The following MTRF1 variants were observed in gnomAD, a reference collection of about 807,000 sequenced individuals.
The protein encoded by MTRF1 is peptide chain release factor 1, mitochondrial.
A neutral mutation model predicts 62.9 loss-of-function variants in MTRF1; 51 were observed. That is an observed-to-expected ratio of 0.81 (90% CI 0.65 to 1.02). The LOEUF (loss-of-function observed/expected upper bound fraction) is 1.02. Ranked by LOEUF, MTRF1 falls within the 50% of genes least tolerant of loss-of-function variation. The pLI is 0.00. For missense variants in MTRF1, 446 were observed against 530.0 expected (o/e 0.84, Z 1.56); for synonymous variants, 158 against 181.9 (o/e 0.87, Z 1.06).
chr13:41,241,855 G>C (rs578116758), intron 5 of MTRF1, among the ~76,000 whole-genome samples: 5 of 152,180 alleles, frequency 3.3e-5, no homozygotes, highest in Non-Finnish European at 5.9e-5. Context: ...ACACCAGCTC[G>C]AGCCCTTTGG....
the MTRF1 span, among the ~76,000 whole-genome samples, chr13:41,284,156 AC>A: frequency 6.6e-6 from 1 of 151,070 alleles, no homozygotes; most frequent in Admixed American, 6.6e-5. Context: ...AGCCTGGGCA[AC>A]ATGGGGAGAC....
chr13:41,228,285 G>A (rs1034540908), intron 7 of MTRF1, among the ~76,000 whole-genome samples: 2 of 152,112 alleles, frequency 1.3e-5, no homozygotes, highest in Non-Finnish European at 2.9e-5. Context: ...AATAGAAGGG[G>A]GCTGGGCACG....
chr13:41,238,418 G>A (rs1274957322), intron 6 of MTRF1, among the ~76,000 whole-genome samples: 2 of 152,174 alleles, frequency 1.3e-5, no homozygotes, highest in African/African-American at 2.4e-5. Context: ...AGGTTAATAC[G>A]TGAAACTTGA....
intron 7 of MTRF1, among the ~76,000 whole-genome samples, chr13:41,227,736 C>G (rs923963154): frequency 2.0e-5 from 3 of 152,238 alleles, no homozygotes; most frequent in Non-Finnish European, 2.9e-5. Flanking sequence ...AAATATTTTG[C>G]TGGAGATGTA....
chr13:41,260,791 C>T lies in MTRF1; in HGVS notation c.117G>A (p.Leu39=). 1 of 1,614,166 alleles carries T rather than the reference C, an allele frequency of 6.2e-7. No homozygotes were observed. The highest frequency in any genetic ancestry group is 8.5e-7 in the Non-Finnish European group (1 of 1,180,012). ...AATTCCTGTTTTGTCTAAAAACTTG[C>T]AGCCTTGTATCAAGATGTATCTGTC... ...QFRQIHLDTR[L]QVFRQNRNCI... Residue 39 remains leucine (L), a synonymous_variant, in exon 2 of 10, where the codon CTG becomes CTA. Coordinates refer to ENST00000379480, the MANE Select transcript of MTRF1 (RefSeq NM_004294.4).
At chr13:41,311,402 C>T in the MTRF1 span, 1 of 882,772 alleles carries the variant, frequency 1.1e-6, no homozygotes, top group Non-Finnish European at 1.8e-6. Flanking sequence ...AACTGTAGAC[C>T]AATGAACTAA....
At chr13:41,241,583 C>A (rs1355991317) in intron 5 of MTRF1, among the ~76,000 whole-genome samples, 1 of 152,084 alleles carries the variant, frequency 6.6e-6, no homozygotes, top group African/African-American at 2.4e-5. Context: ...ACTTCATTAC[C>A]TAAACGTGTA....
the MTRF1 span, among the ~76,000 whole-genome samples, chr13:41,305,359 G>C: frequency 6.6e-6 from 1 of 152,158 alleles, no homozygotes. Context: ...TGCCTGGCCA[G>C]AATGACTTTT....
chr13:41,306,354 A>C, the MTRF1 span, among the ~76,000 whole-genome samples: 7 of 152,020 alleles, frequency 4.6e-5, no homozygotes, highest in African/African-American at 1.4e-4. Flanking sequence ...ACTGCACTCC[A>C]GCCTGGGACA....
the MTRF1 span, among the ~76,000 whole-genome samples, chr13:41,291,464 C>T: frequency 6.6e-6 from 1 of 152,154 alleles, no homozygotes; most frequent in Non-Finnish European, 1.5e-5. Flanking sequence ...AGGTGAGCTG[C>T]CGCACCTGGT....
chr13:41,308,744 CAAG>C, the MTRF1 span, among the ~76,000 whole-genome samples: 4 of 152,144 alleles, frequency 2.6e-5, no homozygotes, highest in African/African-American at 4.8e-5. Flanking sequence ...ATTTTAGACT[CAAG>C]GGGTAAATGT....
At chr13:41,301,505 C>T in the MTRF1 span, among the ~76,000 whole-genome samples, 4 of 152,030 alleles carry the variant, frequency 2.6e-5, no homozygotes, top group Admixed American at 6.6e-5. Flanking sequence ...GTCAGCACTT[C>T]GGGAGGCTGA....
chr13:41,283,585 C>CTTTTTTTTT, the MTRF1 span, among the ~76,000 whole-genome samples: 94 of 83,548 alleles, frequency 1.1e-3, 6 homozygotes, highest in African/African-American at 1.6e-3. Flanking sequence ...CTCTGACAAT[C>CTTTTTTTTT]TTTTTTTTTT....
chr13:41,258,314 G>C (rs1197904812), intron 2 of MTRF1, among the ~76,000 whole-genome samples: 1 of 152,042 alleles, frequency 6.6e-6, no homozygotes, highest in Non-Finnish European at 1.5e-5. Flanking sequence ...AGAAAATCTA[G>C]AAACTAAAAG....
the MTRF1 span, chr13:41,311,419 G>GC: frequency 9.5e-7 from 1 of 1,051,416 alleles, no homozygotes; most frequent in Non-Finnish European, 1.4e-6. Context: ...CTAATCCATC[G>GC]CCCGCAGCCC....
chr13:41,247,156 C>T (rs567766966), intron 5 of MTRF1, among the ~76,000 whole-genome samples: 11 of 152,340 alleles, frequency 7.2e-5, no homozygotes, highest in South Asian at 2.1e-4. Flanking sequence ...ACAGTGTTGA[C>T]ATGCAGCTGT....
chr13:41,232,188 G>A (rs1261497868), intron 7 of MTRF1, among the ~76,000 whole-genome samples: 1 of 151,578 alleles, frequency 6.6e-6, no homozygotes, highest in Non-Finnish European at 1.5e-5. Flanking sequence ...ATATCCTTCA[G>A]TAATAAAAAA....
chr13:41,311,541 C>G, the MTRF1 span: 3 of 1,606,862 alleles, frequency 1.9e-6, no homozygotes, highest in South Asian at 2.2e-5. Context: ...GCCGAACGTG[C>G]TGCTGCCGCC....
chr13:41,264,409 A>G (rs2040769797), upstream of MTRF1, among the ~76,000 whole-genome samples: 2 of 152,240 alleles, frequency 1.3e-5, no homozygotes, highest in Admixed American at 6.5e-5. Context: ...ATATTGTCCT[A>G]CTTTGACTAA....
Sources: allele counts gnomAD v4.1 joint callset (sites outside exome capture counted in the v4.1 genomes callset), GRCh38; gene constraint gnomAD v4.1.1; transcripts MANE v1.5; gene names NCBI Gene and HGNC (gene_info 2026-07-23, HGNC 2026-07-21).